ZNHIT6: variants seen among roughly 807,000 people sequenced by gnomAD.
ZNHIT6 encodes zinc finger HIT-type containing 6.
Under a neutral mutation model 57.2 loss-of-function variants are expected in ZNHIT6, and 45 were observed. The observed-to-expected ratio is 0.79, with a 90% CI of 0.62 to 1.01. ZNHIT6 has a LOEUF of 1.01. ZNHIT6 is among the 50% of genes least tolerant of loss of function. The pLI, the probability that ZNHIT6 is intolerant of heterozygous loss-of-function variation, is 0.00. For missense variants in ZNHIT6, 528 were observed against 567.3 expected (o/e 0.93, Z 0.70); for synonymous variants, 188 against 190.0 (o/e 0.99, Z 0.09).
At chr1:85,701,459 T>A (rs1275901173) in intron 5 of ZNHIT6, among the ~76,000 whole-genome samples, 2 of 152,228 alleles carry the variant, frequency 1.3e-5, no homozygotes, top group African/African-American at 2.4e-5. Context: ...AACTTTGGGA[T>A]CCTGTTCTCT....
At position 85,652,414 on chromosome 1, in the gene ZNHIT6, C is replaced by T. The variant is rs1194484849; in HGVS notation, c.*1644G>A. The T allele has an allele frequency of 1.3e-5, 2 of 152,180 alleles. No homozygotes were observed. Among genetic ancestry groups the T allele is most frequent in the Non-Finnish European group, 2.9e-5 (2 of 68,024 alleles). 9.4% of individuals were successfully genotyped at this position (152,180 alleles called of 1,614,324 possible). On this transcript the variant is annotated 3_prime_UTR_variant, in exon 10 of 10. Transcript: ENST00000370574. Reference sequence around the variant, plus strand: ...ATACTGTGAACAACGTAATTCTACACAAATTCTTTATCATATATTAGAAGA... The same window carrying T: ...ATACTGTGAACAACGTAATTCTACATAAATTCTTTATCATATATTAGAAGA...
chr1:85,662,516 A>G (rs1661254429), intron 8 of ZNHIT6, among the ~76,000 whole-genome samples: 1 of 151,980 alleles, frequency 6.6e-6, no homozygotes, highest in African/African-American at 2.4e-5. Flanking sequence ...AAAAGTTTTA[A>G]TTCTTCTTTT....
At chr1:85,705,206 C>A (rs1662649240) in intron 4 of ZNHIT6, among the ~76,000 whole-genome samples, 1 of 152,086 alleles carries the variant, frequency 6.6e-6, no homozygotes, top group Non-Finnish European at 1.5e-5. Context: ...TAGAAACCCT[C>A]ACCAGTTTCT....
chr1:85,655,253 G>A (rs927540599), intron 9 of ZNHIT6, among the ~76,000 whole-genome samples: 12 of 152,028 alleles, frequency 7.9e-5, no homozygotes, highest in Admixed American at 3.9e-4. Flanking sequence ...TTTTACATGC[G>A]TGTTCCAGTG....
intron 6 of ZNHIT6, among the ~76,000 whole-genome samples, chr1:85,679,017 C>G (rs1661786589): frequency 6.6e-6 from 1 of 152,004 alleles, no homozygotes; most frequent in Non-Finnish European, 1.5e-5. Flanking sequence ...TTGAGAAGTT[C>G]TGTATAAATC....
chr1:85,660,981 G>A (rs1298750152), intron 8 of ZNHIT6, among the ~76,000 whole-genome samples: 2 of 152,102 alleles, frequency 1.3e-5, no homozygotes, highest in Admixed American at 6.5e-5. Flanking sequence ...AAGCTTCTGG[G>A]CCACAGCTTT....
chr1:85,694,219 G>A (rs183285208), intron 5 of ZNHIT6, among the ~76,000 whole-genome samples: 30 of 152,262 alleles, frequency 2.0e-4, no homozygotes, highest in East Asian at 1.3e-3. Flanking sequence ...ATTTCATTAC[G>A]TGTAAATTTT....
rs1660863087 is a variant in ZNHIT6, at chr1:85,650,061, C to T, written c.*3997G>A. 1 of 152,226 alleles carries T rather than the reference C, an allele frequency of 6.6e-6. No homozygotes were observed. Among genetic ancestry groups the T allele is most frequent in the South Asian group, 2.1e-4 (1 of 4,834 alleles). The allele number at this position is 152,226 out of a possible 1,614,324, so 9.4% of individuals were successfully genotyped here. A position where few individuals can be genotyped will look rare whatever the true frequency, so the allele number is the denominator to read the frequency against. ...GTTACTTTCGTATTCCCAGTAACTA[C>T]CTTTCCTCACCTGCTCCCTACATTC... is the stretch of plus-strand genomic sequence containing the variant. On this transcript the variant is annotated 3_prime_UTR_variant, in exon 10 of 10. Coordinates refer to ENST00000370574, the MANE Select transcript of ZNHIT6 (RefSeq NM_017953.4).
intron 5 of ZNHIT6, among the ~76,000 whole-genome samples, chr1:85,700,806 AT>A (rs1662509936): frequency 6.6e-6 from 1 of 152,292 alleles, no homozygotes; most frequent in African/African-American, 2.4e-5. Flanking sequence ...AATGCAAGAC[AT>A]TACTTTACTT....
intron 8 of ZNHIT6, among the ~76,000 whole-genome samples, chr1:85,660,619 C>T (rs565926015): frequency 2.6e-5 from 4 of 152,186 alleles, no homozygotes; most frequent in African/African-American, 9.6e-5. Context: ...GTTAAACATG[C>T]TTTGGATCCT....
In ZNHIT6 at chr1:85,707,718, C is replaced by T. The variant is rs766461636; in HGVS notation, c.567G>A (p.Leu189=). The T allele has an allele frequency of 5.0e-6, 8 of 1,611,854 alleles. No individual in the cohort carries two copies. The African/African-American group carries it at 6.7e-5, about 13-fold the overall frequency. The change falls in exon 1 of 10, where the codon CTG becomes CTA. Residue 189 remains leucine, a synonymous_variant. Transcript: ENST00000370574. ...TTGTATCATCCACGATTTCTTTCTT[C>T]AGGAAATCCTTCTCTTCTTTTACAC... is the stretch of plus-strand genomic sequence containing the variant. ...GECVKEEKDF[L]KKEIVDDTKV... is the part of the protein sequence containing the mutation.
In ZNHIT6 at chr1:85,662,715, T is replaced by C. The variant is rs966914756; in HGVS notation, c.1248-4744A>G. Among the ~76,000 whole-genome samples, 4 of 152,326 alleles carry C rather than the reference T, an allele frequency of 2.6e-5. No individual in the cohort carries two copies. In the South Asian group the frequency reaches 8.3e-4, roughly 32 times the overall value. ...GTTAAGTTAGTGGTTTGATGCACTT[T>C]GTTTTGGGATTTTTATATATCCACA... On this transcript the variant is annotated intron_variant, in intron 8 of 9. Coordinates refer to ENST00000370574, the MANE Select transcript of ZNHIT6 (RefSeq NM_017953.4).
At chr1:85,683,575 G>T (rs144201939) in intron 5 of ZNHIT6, among the ~76,000 whole-genome samples, 132 of 151,454 alleles carry the variant, frequency 8.7e-4, no homozygotes, top group African/African-American at 3.0e-3. Context: ...TCTCTAAAAT[G>T]GTTTCCAATT....
intron 9 of ZNHIT6, among the ~76,000 whole-genome samples, chr1:85,654,842 T>TA (rs1661017402): frequency 6.6e-6 from 1 of 152,152 alleles, no homozygotes; most frequent in African/African-American, 2.4e-5. Context: ...CATGCTAAAA[T>TA]ATAGGTTATT....
At position 85,651,015 on chromosome 1, in the gene ZNHIT6, G is replaced by A. The variant is rs1557824632; in HGVS notation, c.*3043C>T. 6.6e-6 allele frequency: 1 copy of A among 152,020 alleles called. No homozygotes were observed. The highest frequency in any genetic ancestry group is 1.5e-5 in the Non-Finnish European group (1 of 68,022). The allele number at this position is 152,020 out of a possible 1,614,324, so 9.4% of individuals were successfully genotyped here. The stretch of plus-strand genomic sequence containing the variant: ...AACAGTATATGATTAAATAAAAATA[G>A]ACCAGCATCTTTATGTAAAATTTAG... On this transcript the variant is annotated 3_prime_UTR_variant, in exon 10 of 10. Transcript: ENST00000370574.
At position 85,653,449 on chromosome 1, in the gene ZNHIT6, C is replaced by T. The variant is rs79551952; in HGVS notation, c.*609G>A. ...GTTGACATGGGTGATCCTTGGGTTTCGTCACGCATGAAATTAACAAATAAA... is the reference window on the plus strand; with the variant it reads ...GTTGACATGGGTGATCCTTGGGTTTTGTCACGCATGAAATTAACAAATAAA... On this transcript the variant is annotated 3_prime_UTR_variant, in exon 10 of 10. Coordinates refer to ENST00000370574, the MANE Select transcript of ZNHIT6 (RefSeq NM_017953.4). 0.018 allele frequency: 2,730 copies of T among 152,182 alleles called. 52 individuals are homozygous for T. The highest frequency in any genetic ancestry group is 0.02 in the Middle Eastern group (6 of 294). The allele number at this position is 152,182 out of a possible 1,614,324, so 9.4% of individuals were successfully genotyped here.
intron 5 of ZNHIT6, 69 bp downstream of exon 5, chr1:85,702,088 C>T (rs1662551383): frequency 9.2e-7 from 1 of 1,091,866 alleles, no homozygotes. Flanking sequence ...TGCTCTATAG[C>T]AACCAAACCT....
chr1:85,670,202 A>G (rs935029769), intron 8 of ZNHIT6, among the ~76,000 whole-genome samples: 3 of 152,178 alleles, frequency 2.0e-5, no homozygotes, highest in African/African-American at 7.2e-5. Context: ...AATCCAGCCC[A>G]CTATCTGTTT....
chr1:85,678,654 C>A, intron 7 of ZNHIT6, 47 bp downstream of exon 7: 1 of 1,278,652 alleles, frequency 7.8e-7, no homozygotes, highest in South Asian at 1.3e-5. Context: ...ATAAGTACAT[C>A]AACATTTTTA....
Sources: allele counts gnomAD v4.1 joint callset (sites outside exome capture counted in the v4.1 genomes callset), GRCh38; gene constraint gnomAD v4.1.1; transcripts MANE v1.5; gene names NCBI Gene and HGNC (gene_info 2026-07-23, HGNC 2026-07-21).